The following C4orf51 variants were observed in gnomAD, a reference collection of about 807,000 sequenced individuals.
The protein encoded by C4orf51 is chromosome 4 open reading frame 51.
Under a neutral mutation model 25.2 loss-of-function variants are expected in C4orf51, and 25 were observed. The ratio of observed to expected loss-of-function variants is 0.99; its 90% CI spans 0.72 to 1.39. The LOEUF (loss-of-function observed/expected upper bound fraction) is 1.39, where lower values mean the gene tolerates loss of function less well. Among genes scored for constraint, C4orf51 ranks in the 40% most tolerant of loss-of-function variants. The pLI, the probability that C4orf51 is intolerant of heterozygous loss-of-function variation, is 0.00. For synonymous variants in C4orf51, 100 were observed against 84.5 expected (o/e 1.18, Z -1.01); for missense variants, 252 against 239.6 (o/e 1.05, Z -0.34).
intron 3 of C4orf51, 95 bp from the exon 4 acceptor site, chr4:145,729,074 G>A: frequency 5.8e-6 from 5 of 863,472 alleles, no homozygotes; most frequent in Non-Finnish European, 9.4e-6. Context: ...TCTGAATGCA[G>A]GGGTGGGGAG....
At chr4:145,733,782 T>A (rs977112049), downstream of C4orf51, among the ~76,000 whole-genome samples, 4 of 152,168 alleles carry the variant, frequency 2.6e-5, no homozygotes, top group Non-Finnish European at 5.9e-5. Flanking sequence ...TCCAAAAGCA[T>A]GCATTGAAAA....
rs375267951 is a variant in C4orf51 at position 145,765,510 on chromosome 4, G to A, written n.167-5478G>A. The A allele has an allele frequency of 1.2e-4, 189 of 1,575,064 alleles. No homozygotes were observed. In the East Asian group the frequency reaches 2.8e-3, roughly 23 times the overall value. On this transcript the variant is annotated intron_variant and non_coding_transcript_variant, in intron 1 of 1. Transcript: ENST00000510096. This position sits in a 1 kb window ranked among gnomAD's most constrained non-coding sequence, Gnocchi z 4.7. ...CTCAAGAATGGGTCATCCTGGGTGC[G>A]GAGGGTTGAGCAGGCTCACACCCAC...
At chr4:145,772,581 ACTTTCAAGTTTCAACAG>A (rs1184128470), downstream of C4orf51, among the ~76,000 whole-genome samples, 4 of 152,204 alleles carry the variant, frequency 2.6e-5, no homozygotes, top group Non-Finnish European at 5.9e-5. Context: ...GTCTACGACT[ACTTTCAAGTTTCAACAG>A]CCGAGTTGAG....
Position 145,732,574 on chromosome 4 carries a change from G to T in C4orf51, c.*14G>T. ...CCATTTAACTGAGTTGGAAAATGAA[G>T]CCACAAGGCTGGAGGCGTGGAGTTT... is the stretch of plus-strand genomic sequence containing the variant. On this transcript the variant is annotated 3_prime_UTR_variant, in exon 6 of 6. Transcript: ENST00000438731. 1 of 1,582,506 alleles carries T rather than the reference G, an allele frequency of 6.3e-7. No individual in the cohort carries two copies. The highest frequency in any genetic ancestry group is 8.6e-7 in the Non-Finnish European group (1 of 1,156,118).
chr4:145,753,140 TTG>T (rs57325282), intron 1 of C4orf51, among the ~76,000 whole-genome samples: 42,516 of 145,436 alleles, frequency 0.29, 6,551 homozygotes, highest in Non-Finnish European at 0.36. Flanking sequence ...TATGAAGGTT[TTG>T]TGTGTGTGTG....
chr4:145,748,612 G>A (rs573321477), intron 1 of C4orf51, among the ~76,000 whole-genome samples: 4 of 152,042 alleles, frequency 2.6e-5, no homozygotes, highest in African/African-American at 7.2e-5. Flanking sequence ...ATTTTTCAAC[G>A]TTCTTCTTAA....
At chr4:145,693,666 AC>A (rs1292815201) in intron 1 of C4orf51, among the ~76,000 whole-genome samples, 6 of 29,358 alleles carry the variant, frequency 2.0e-4, no homozygotes, top group African/African-American at 5.7e-4. Context: ...AGGGGGGCTG[AC>A]CCCCCCCACC....
In C4orf51 at chr4:145,694,263, G is replaced by A. The variant is rs1477557451; in HGVS notation, c.234-2296G>A. Among the ~76,000 whole-genome samples, 3 of 141,890 alleles carry A rather than the reference G, an allele frequency of 2.1e-5. No individual in the cohort carries two copies. In the East Asian group the frequency reaches 6.8e-4, roughly 32 times the overall value. The allele number at this position is 141,890 out of a possible 152,430, so 93.1% of individuals were successfully genotyped here. ...CTAGATGGGATGGCGGCCAGGCGGA[G>A]ACGCTCCTCACTTTCCAGACTGGGC... On this transcript the variant is annotated intron_variant, in intron 1 of 5. Transcript: ENST00000438731.
At chr4:145,750,100 TGTA>T (rs1733591584) in intron 1 of C4orf51, among the ~76,000 whole-genome samples, 1 of 152,202 alleles carries the variant, frequency 6.6e-6, no homozygotes, top group Admixed American at 6.5e-5. Flanking sequence ...GAAAAGTTGT[TGTA>T]GTTATTATTT....
chr4:145,729,502 C>G (rs548408390), intron 4 of C4orf51, among the ~76,000 whole-genome samples: 3 of 151,916 alleles, frequency 2.0e-5, no homozygotes, highest in Non-Finnish European at 4.4e-5. Flanking sequence ...GGGGTTTCAC[C>G]GTGTTAGCCA....
chr4:145,697,582 G>A (rs901502271), intron 2 of C4orf51, among the ~76,000 whole-genome samples: 3 of 152,104 alleles, frequency 2.0e-5, no homozygotes, highest in Non-Finnish European at 2.9e-5. Context: ...TGACTTTTTA[G>A]ATTACACATA....
At chr4:145,734,601 C>T (rs1224042301), downstream of C4orf51, among the ~76,000 whole-genome samples, 1 of 152,146 alleles carries the variant, frequency 6.6e-6, no homozygotes, top group Non-Finnish European at 1.5e-5. Context: ...CTCCTGTTTC[C>T]CCACTCCCGC....
intron 2 of C4orf51, among the ~76,000 whole-genome samples, chr4:145,714,713 A>G (rs1338194894): frequency 1.3e-5 from 2 of 152,016 alleles, no homozygotes; most frequent in African/African-American, 4.8e-5. Context: ...TGTTTCCTTG[A>G]TTTTTCTTAT....
intron 1 of C4orf51, among the ~76,000 whole-genome samples, chr4:145,740,893 C>T (rs1369763482): frequency 6.6e-6 from 1 of 152,210 alleles, no homozygotes; most frequent in Non-Finnish European, 1.5e-5. Flanking sequence ...ATTTCTATCT[C>T]ATAAAACCCA....
chr4:145,775,023 A>G (rs1419714544), downstream of C4orf51, among the ~76,000 whole-genome samples: 1 of 152,198 alleles, frequency 6.6e-6, no homozygotes, highest in African/African-American at 2.4e-5. Flanking sequence ...CAAGGTATTT[A>G]GTGGTGCCGG....
downstream of C4orf51, among the ~76,000 whole-genome samples, chr4:145,772,430 C>T (rs900748779): frequency 5.3e-5 from 8 of 152,174 alleles, no homozygotes; most frequent in African/African-American, 1.7e-4. Context: ...CAAAACTATA[C>T]TAAATACAGG....
intron 2 of C4orf51, among the ~76,000 whole-genome samples, chr4:145,698,656 G>T (rs1730235953): frequency 6.6e-6 from 1 of 152,176 alleles, no homozygotes; most frequent in African/African-American, 2.4e-5. Context: ...CTCTGTTGAT[G>T]TTTGTGAGGC....
the C4orf51 span, among the ~76,000 whole-genome samples, chr4:145,778,164 G>A: frequency 1.4e-4 from 21 of 151,916 alleles, no homozygotes; most frequent in Middle Eastern, 3.4e-3. Flanking sequence ...ACTGAGTTTC[G>A]CTCTTGTCAC....
intron 2 of C4orf51, among the ~76,000 whole-genome samples, chr4:145,700,609 T>C (rs377619777): frequency 1.3e-5 from 2 of 152,272 alleles, no homozygotes; most frequent in South Asian, 4.2e-4. Flanking sequence ...AATAGGCAAA[T>C]GGTCTGAGGT....
Sources: gnomAD v4.1 joint callset for allele counts (sites outside exome capture counted in the v4.1 genomes callset) on GRCh38, gnomAD v4.1.1 for gene constraint, Gnocchi (gnomAD v3.1) non-coding constraint, MANE v1.5 for transcripts, NCBI Gene and HGNC (gene_info 2026-07-23, HGNC 2026-07-21) for gene names.